Variants in MAST4 observed in about 807,000 individuals in gnomAD.
The protein encoded by MAST4 is microtubule-associated serine/threonine-protein kinase 4.
A neutral mutation model predicts 162.7 loss-of-function variants in MAST4; 89 were observed. That is an observed-to-expected ratio of 0.55 (90% CI 0.46 to 0.65). MAST4 has a LOEUF of 0.65. Ranked by LOEUF, MAST4 falls within the 30% of genes least tolerant of loss-of-function variation. MAST4 has a pLI of 0.00. For missense variants in MAST4, 3,153 were observed against 3,374.0 expected (o/e 0.93, Z 1.62); for synonymous variants, 1,479 against 1,361.1 (o/e 1.09, Z -1.91).
At chr5:66,820,581 A>T (rs1327529483) in intron 3 of MAST4, among the ~76,000 whole-genome samples, 3 of 152,232 alleles carry the variant, frequency 2.0e-5, no homozygotes, top group Non-Finnish European at 4.4e-5. Flanking sequence ...ATCTTCATAA[A>T]CACTCTCATA....
intron 6 of MAST4, among the ~76,000 whole-genome samples, chr5:67,091,399 C>T (rs1205722633): frequency 6.6e-6 from 1 of 152,146 alleles, no homozygotes; most frequent in African/African-American, 2.4e-5. Context: ...AAAACATCAT[C>T]TCCAGGGAAC....
chr5:66,811,882 A>G (rs1270918544), intron 3 of MAST4, among the ~76,000 whole-genome samples: 1 of 152,198 alleles, frequency 6.6e-6, no homozygotes, highest in East Asian at 1.9e-4. Context: ...AGGGGTGGGT[A>G]GAGAACCTGG....
chr5:66,642,010 G>A (rs1745520083), intron 1 of MAST4, among the ~76,000 whole-genome samples: 1 of 152,110 alleles, frequency 6.6e-6, no homozygotes, highest in Non-Finnish European at 1.5e-5. Flanking sequence ...GATACATTTA[G>A]AATATTACCG....
At chr5:67,105,997 T>A (rs562111636) in intron 10 of MAST4, among the ~76,000 whole-genome samples, 28 of 152,290 alleles carry the variant, frequency 1.8e-4, no homozygotes, top group Admixed American at 4.6e-4. Flanking sequence ...CACTGGACAT[T>A]TTACTGGAAT....
intron 1 of MAST4, among the ~76,000 whole-genome samples, chr5:66,676,574 G>T (rs894539091): frequency 4.6e-5 from 7 of 152,144 alleles, no homozygotes; most frequent in African/African-American, 1.7e-4. Flanking sequence ...GGAAGAGAAA[G>T]TCTTAATAGA....
At chr5:66,847,091 G>A (rs1758908974) in intron 3 of MAST4, among the ~76,000 whole-genome samples, 2 of 152,124 alleles carry the variant, frequency 1.3e-5, no homozygotes, top group South Asian at 4.1e-4. Context: ...TATATTGAGT[G>A]TTTAAAGAAA....
intron 4 of MAST4, among the ~76,000 whole-genome samples, chr5:66,979,510 C>A (rs16896089): frequency 0.018 from 2,748 of 152,250 alleles, 79 homozygotes; most frequent in African/African-American, 0.063. Flanking sequence ...GCCTTAAGGT[C>A]CAATTTGGGT....
intron 1 of MAST4, among the ~76,000 whole-genome samples, chr5:66,670,165 A>G (rs781384851): frequency 2.0e-5 from 3 of 152,164 alleles, no homozygotes; most frequent in Non-Finnish European, 4.4e-5. Context: ...TGACAGTCCT[A>G]TGCGTCTTCA....
At chr5:66,716,332 C>G (rs1020594278) in intron 1 of MAST4, among the ~76,000 whole-genome samples, 6 of 151,384 alleles carry the variant, frequency 4.0e-5, no homozygotes, top group Admixed American at 3.9e-4. Flanking sequence ...TGATCTCTCT[C>G]TCTATGTGTG....
In MAST4 at chr5:67,142,120, G is replaced by A. The variant is rs1770470588; in HGVS notation, c.2500G>A (p.Ala834Thr). The change falls in exon 20 of 29, where the codon GCA (alanine) becomes ACA (threonine). Residue 834 changes from alanine (A) to threonine (T), a missense_variant. Around this residue, in one of 7 missense-constraint regions of MAST4, gnomAD observed 62 missense variants for 63.1 expected, o/e 0.98. Coordinates refer to ENST00000403625, the MANE Select transcript of MAST4 (RefSeq NM_001164664.2). ...NPLERLGTGG[A>T]YEVKQHRFFR... Reference sequence around the variant, plus strand: ...CTCTACCTGCCCCCTTCCAGGTGGTGCATATGAAGTCAAACAGCATCGATT... The same window carrying A: ...CTCTACCTGCCCCCTTCCAGGTGGTACATATGAAGTCAAACAGCATCGATT... 6.2e-7 allele frequency: 1 copy of A among 1,613,756 alleles called. No homozygotes were observed. Among genetic ancestry groups the A allele is most frequent in the Non-Finnish European group, 8.5e-7 (1 of 1,179,700 alleles).
chr5:66,909,155 T>TTTC (rs1763576582), intron 4 of MAST4, among the ~76,000 whole-genome samples: 1 of 152,166 alleles, frequency 6.6e-6, no homozygotes, highest in Admixed American at 6.5e-5. Flanking sequence ...GCTGTTCCAT[T>TTTC]TCCATGAAGA....
intron 1 of MAST4, among the ~76,000 whole-genome samples, chr5:66,716,643 G>A (rs919548258): frequency 1.3e-5 from 2 of 151,776 alleles, no homozygotes; most frequent in Admixed American, 6.6e-5. Flanking sequence ...TTATAGGCAT[G>A]AGCCATTGTG....
intron 1 of MAST4, among the ~76,000 whole-genome samples, chr5:66,698,084 C>T (rs1181366350): frequency 1.3e-5 from 2 of 151,906 alleles, no homozygotes; most frequent in African/African-American, 4.8e-5. Flanking sequence ...CACCACCCAT[C>T]TCGTGGCCTG....
intron 10 of MAST4, among the ~76,000 whole-genome samples, chr5:67,109,447 C>T (rs1765967471): frequency 6.6e-6 from 1 of 151,608 alleles, no homozygotes; most frequent in Admixed American, 6.6e-5. Context: ...GACTTCGATC[C>T]CCTCCTCAAG....
intron 5 of MAST4, among the ~76,000 whole-genome samples, chr5:67,055,771 C>G (rs1377701982): frequency 6.6e-6 from 1 of 152,016 alleles, no homozygotes; most frequent in Non-Finnish European, 1.5e-5. Flanking sequence ...TCTGTAATAG[C>G]TAAACATTTG....
intron 1 of MAST4, among the ~76,000 whole-genome samples, chr5:66,758,659 T>C (rs550578492): frequency 6.6e-6 from 1 of 152,322 alleles, no homozygotes; most frequent in South Asian, 2.1e-4. Flanking sequence ...CTATTTCTTA[T>C]AAATACATCC....
chr5:66,720,827 T>C (rs1561285342), intron 1 of MAST4, among the ~76,000 whole-genome samples: 2 of 152,232 alleles, frequency 1.3e-5, no homozygotes, highest in Non-Finnish European at 2.9e-5. Flanking sequence ...TCTCATTTTC[T>C]CTGTCCTCAA....
At chr5:67,007,403 T>G (rs563378542) in intron 4 of MAST4, among the ~76,000 whole-genome samples, 12 of 152,334 alleles carry the variant, frequency 7.9e-5, no homozygotes, top group African/African-American at 2.9e-4. Context: ...GCTGTCATCA[T>G]CAGTCAGATA....
intron 1 of MAST4, among the ~76,000 whole-genome samples, chr5:66,674,658 T>G (rs1364408814): frequency 6.6e-6 from 1 of 152,170 alleles, no homozygotes; most frequent in Non-Finnish European, 1.5e-5. Context: ...ATTGCTGAGC[T>G]TACAACTGAC....
Sources: gnomAD v4.1 joint callset for allele counts (sites outside exome capture counted in the v4.1 genomes callset) on GRCh38, gnomAD v4.1.1 for gene constraint, gnomAD v4.1.1 regional missense constraint, MANE v1.5 for transcripts, NCBI Gene and HGNC (gene_info 2026-07-23, HGNC 2026-07-21) for gene names.